SLC14A2: variants seen among roughly 807,000 people sequenced by gnomAD.
SLC14A2 encodes solute carrier family 14 member 2.
Under a neutral mutation model 104.6 loss-of-function variants are expected in SLC14A2, and 91 were observed. That is an observed-to-expected ratio of 0.87 (90% CI 0.73 to 1.04). The LOEUF is 1.04. Ranked by LOEUF, SLC14A2 falls within the 50% of genes least tolerant of loss-of-function variation. The pLI is 0.00. For synonymous variants in SLC14A2, 476 were observed against 466.4 expected (o/e 1.02, Z -0.27); for missense variants, 1,189 against 1,156.0 (o/e 1.03, Z -0.41).
chr18:45,538,265 G>A (rs2144850211), intron 2 of SLC14A2, among the ~76,000 whole-genome samples: 1 of 152,306 alleles, frequency 6.6e-6, no homozygotes, highest in African/African-American at 2.4e-5. Flanking sequence ...TTTGAAATAT[G>A]GTTGCCTCTT....
intron 2 of SLC14A2, among the ~76,000 whole-genome samples, chr18:45,585,876 G>T (rs2044560530): frequency 6.6e-6 from 1 of 152,184 alleles, no homozygotes; most frequent in South Asian, 2.1e-4. Context: ...GAGCAGAACT[G>T]GTTACACCCT....
At chr18:45,260,721 C>A (rs2084526850) in intron 1 of SLC14A2, among the ~76,000 whole-genome samples, 1 of 152,066 alleles carries the variant, frequency 6.6e-6, no homozygotes, top group Non-Finnish European at 1.5e-5. Context: ...AGCCAAATGC[C>A]ATGTATTTTT....
At chr18:45,577,187 AG>A (rs199739862) in intron 2 of SLC14A2, among the ~76,000 whole-genome samples, 8,645 of 92,290 alleles carry the variant, frequency 0.094, 263 homozygotes, top group African/African-American at 0.12. Flanking sequence ...AGGGTCAGCA[AG>A]GCCTCAGACA....
chr18:45,677,814 T>G (rs1329929093), intron 18 of SLC14A2, among the ~76,000 whole-genome samples: 1 of 152,178 alleles, frequency 6.6e-6, no homozygotes, highest in Non-Finnish European at 1.5e-5. Context: ...TTTGTTTGTT[T>G]GTTTGTTGTT....
chr18:45,598,320 G>A (rs2044741825), intron 2 of SLC14A2, among the ~76,000 whole-genome samples: 1 of 151,976 alleles, frequency 6.6e-6, no homozygotes, highest in South Asian at 2.1e-4. Flanking sequence ...TTCAAGACCC[G>A]AGGGCTTCAA....
chr18:45,682,433 G>C lies in SLC14A2; in HGVS notation c.2677G>C (p.Glu893Gln), dbSNP rs1199671879. The change falls in exon 20 of 20, where the codon GAG (glutamate) becomes CAG (glutamine). Residue 893 changes from glutamate to glutamine, a missense_variant. Coordinates refer to ENST00000255226, the MANE Select transcript of SLC14A2 (RefSeq NM_007163.4). ...CCCGCTCAGCAAAGTCACCTACCCA[G>C]AGGCCAACCGCATCTACTACCTGTC... Reference protein sequence around the residue: ...KLPLSKVTYPEANRIYYLSQE... With the variant: ...KLPLSKVTYPQANRIYYLSQE... The C allele has an allele frequency of 1.2e-6, 2 of 1,614,026 alleles. No individual in the cohort carries two copies. The highest frequency in any genetic ancestry group is 1.3e-5 in the African/African-American group (1 of 74,902).
chr18:45,558,592 T>C (rs768901891), intron 2 of SLC14A2, among the ~76,000 whole-genome samples: 1 of 152,180 alleles, frequency 6.6e-6, no homozygotes, highest in Non-Finnish European at 1.5e-5. Flanking sequence ...GAAATAATCA[T>C]GAGTTTTAGT....
chr18:45,224,726 G>A (rs2084096905), intron 1 of SLC14A2, among the ~76,000 whole-genome samples: 1 of 152,202 alleles, frequency 6.6e-6, no homozygotes, highest in South Asian at 2.1e-4. Flanking sequence ...AAACAAAGTT[G>A]TGGAAATTAG....
intron 2 of SLC14A2, among the ~76,000 whole-genome samples, chr18:45,562,406 A>C (rs1035377570): frequency 1.3e-5 from 2 of 152,224 alleles, no homozygotes; most frequent in Non-Finnish European, 2.9e-5. Flanking sequence ...TGATCTTGAT[A>C]GGGGTCTTGA....
chr18:45,445,310 C>G (rs1193239600), intron 1 of SLC14A2, among the ~76,000 whole-genome samples: 1 of 152,042 alleles, frequency 6.6e-6, no homozygotes, highest in Non-Finnish European at 1.5e-5. Flanking sequence ...TGTGGTTTCA[C>G]TATGTTGGCC....
At chr18:45,450,003 A>C (rs2086832851) in intron 1 of SLC14A2, among the ~76,000 whole-genome samples, 1 of 152,216 alleles carries the variant, frequency 6.6e-6, no homozygotes, top group Non-Finnish European at 1.5e-5. Flanking sequence ...CATCGGTCCC[A>C]TGAACCATCT....
intron 1 of SLC14A2, among the ~76,000 whole-genome samples, chr18:45,426,054 G>A (rs1955614629): frequency 6.6e-6 from 1 of 152,108 alleles, no homozygotes; most frequent in Non-Finnish European, 1.5e-5. Flanking sequence ...GGAGCAAAGG[G>A]GAAGTCTATG....
In SLC14A2 at chr18:45,540,007, G is replaced by A. The variant is rs147940292; in HGVS notation, c.-35+56685G>A. Among the ~76,000 whole-genome samples, 314 of 152,222 alleles carry A rather than the reference G, an allele frequency of 2.1e-3. 2 individuals carry two copies. The highest frequency in any genetic ancestry group is 6.8e-3 in the African/African-American group (283 of 41,530). On this transcript the variant is annotated intron_variant, in intron 2 of 20. Coordinates refer to the SLC14A2 transcript ENST00000586448. ...CGGGGTGCTGAGCAATAGGCAACTC[G>A]TAAAATTTTATCTCTGGTATGAGGA... is the stretch of plus-strand genomic sequence containing the variant.
upstream of SLC14A2, among the ~76,000 whole-genome samples, chr18:45,210,187 A>G (rs2083950394): frequency 1.3e-5 from 2 of 152,212 alleles, no homozygotes; most frequent in Non-Finnish European, 2.9e-5. Flanking sequence ...TTTCATACCC[A>G]TAGATTGAAG....
intron 1 of SLC14A2, among the ~76,000 whole-genome samples, chr18:45,415,128 T>C (rs1443430811): frequency 6.6e-6 from 1 of 152,066 alleles, no homozygotes; most frequent in Non-Finnish European, 1.5e-5. Flanking sequence ...ATGAGCCAGG[T>C]ATGTAGCTAC....
chr18:45,417,720 G>A (rs1466417895), intron 1 of SLC14A2, among the ~76,000 whole-genome samples: 2 of 152,026 alleles, frequency 1.3e-5, no homozygotes, highest in Admixed American at 6.6e-5. Flanking sequence ...TTTTATCATC[G>A]TTATTGTTGA....
chr18:45,517,867 A>G (rs1195829964), intron 2 of SLC14A2, among the ~76,000 whole-genome samples: 2 of 152,256 alleles, frequency 1.3e-5, no homozygotes, highest in East Asian at 3.8e-4. Flanking sequence ...TTCACTGGTT[A>G]TAGAGAACAA....
At chr18:45,358,019 T>C (rs1235453310) in intron 1 of SLC14A2, among the ~76,000 whole-genome samples, 3 of 152,032 alleles carry the variant, frequency 2.0e-5, no homozygotes, top group Non-Finnish European at 4.4e-5. Context: ...AAGAAAAAAA[T>C]TAAAAATAAA....
intron 2 of SLC14A2, among the ~76,000 whole-genome samples, chr18:45,564,943 T>A (rs2044246313): frequency 6.6e-6 from 1 of 152,040 alleles, no homozygotes. Flanking sequence ...GCTTTGAAGT[T>A]GAGACAAGCA....
Sources: allele counts gnomAD v4.1 joint callset (sites outside exome capture counted in the v4.1 genomes callset), GRCh38; gene constraint gnomAD v4.1.1; transcripts MANE v1.5; gene names NCBI Gene and HGNC (gene_info 2026-07-23, HGNC 2026-07-21).